The following EPB41L1 variants were observed in gnomAD, a reference collection of about 807,000 sequenced individuals.
EPB41L1 encodes the protein erythrocyte membrane protein band 4.1 like 1.
A neutral mutation model predicts 97.8 loss-of-function variants in EPB41L1; 29 were observed. That is an observed-to-expected ratio of 0.30 (90% CI 0.22 to 0.40). The LOEUF is 0.40. Among genes scored for constraint, EPB41L1 ranks in the 10% least tolerant of loss-of-function variants. The probability of loss-of-function intolerance (pLI) is 1.00; values close to 1 mark genes in which losing one functional copy is unlikely to be tolerated. For missense variants in EPB41L1, 812 were observed against 1,162.3 expected (o/e 0.70, Z 4.38); for synonymous variants, 383 against 459.2 (o/e 0.83, Z 2.12).
At chr20:36,229,117 C>A (rs1331915292) in intron 21 of EPB41L1, among the ~76,000 whole-genome samples, 2 of 152,076 alleles carry the variant, frequency 1.3e-5, no homozygotes, top group African/African-American at 4.8e-5. Context: ...CTCAAGAGAT[C>A]CTTCCACCTC....
At chr20:36,219,409 C>T (rs775857046) in intron 18 of EPB41L1, among the ~76,000 whole-genome samples, 4 of 152,144 alleles carry the variant, frequency 2.6e-5, no homozygotes, top group South Asian at 4.1e-4. Context: ...TGTTTAGCTC[C>T]GCAGAGAGCG....
chr20:36,202,407 C>G (rs972401437), intron 14 of EPB41L1, among the ~76,000 whole-genome samples: 9 of 152,182 alleles, frequency 5.9e-5, no homozygotes, highest in African/African-American at 2.2e-4. Context: ...GACTTGAACA[C>G]CTCCCCTTCC....
At chr20:36,188,691 C>A (rs1049446601) in intron 9 of EPB41L1, among the ~76,000 whole-genome samples, 192 bp downstream of exon 9, 14 of 146,706 alleles carry the variant, frequency 9.5e-5, no homozygotes, top group Admixed American at 5.5e-4. Context: ...AAAGTATAAC[C>A]ACATATGGCC....
Position 36,212,244 on chromosome 20 carries a change from C to G in EPB41L1, c.2080-28C>G. On this transcript the variant is annotated intron_variant, in intron 15 of 21. Transcript: ENST00000338074. The surrounding 1 kb of genome is among the most constrained non-coding windows in gnomAD (Gnocchi z 4.8). ...AAGGGTCATGCTAGGGTTTCAGTTA[C>G]AGAGCATTCTCCCTCCTTTTCCTAC... is the stretch of plus-strand genomic sequence containing the variant. The G allele has an allele frequency of 6.2e-7, 1 of 1,607,898 alleles. No homozygotes were observed. The highest frequency in any genetic ancestry group is 8.5e-7 in the Non-Finnish European group (1 of 1,174,346).
chr20:36,133,631 C>T (rs373745635), intron 2 of EPB41L1, among the ~76,000 whole-genome samples: 5 of 152,262 alleles, frequency 3.3e-5, no homozygotes, highest in East Asian at 1.9e-4. Context: ...CCGATGCAGG[C>T]GTATAGCTTG....
chr20:36,176,249 C>T (rs948229648), intron 3 of EPB41L1, among the ~76,000 whole-genome samples: 2 of 152,222 alleles, frequency 1.3e-5, no homozygotes, highest in Non-Finnish European at 2.9e-5. Flanking sequence ...CATGTAGAAA[C>T]CCTGTGGTAT....
intron 2 of EPB41L1, among the ~76,000 whole-genome samples, chr20:36,112,721 C>T (rs1220147417): frequency 6.6e-6 from 1 of 152,186 alleles, no homozygotes; most frequent in African/African-American, 2.4e-5. Flanking sequence ...TATTCAAAAA[C>T]AGGCTTTGCC....
At chr20:36,199,370 T>G (rs1600899570) in intron 14 of EPB41L1, among the ~76,000 whole-genome samples, 1 of 152,192 alleles carries the variant, frequency 6.6e-6, no homozygotes, top group East Asian at 1.9e-4. Flanking sequence ...CCAAATCACA[T>G]AAAGACCAGG....
chr20:36,203,006 C>T (rs1011327731), intron 14 of EPB41L1, among the ~76,000 whole-genome samples: 6 of 152,140 alleles, frequency 3.9e-5, no homozygotes, highest in African/African-American at 9.7e-5. Flanking sequence ...AGTGCCCCTA[C>T]CTGACGGCAG....
At chr20:36,133,203 C>T (rs566076778) in intron 2 of EPB41L1, among the ~76,000 whole-genome samples, 1 of 152,266 alleles carries the variant, frequency 6.6e-6, no homozygotes, top group South Asian at 2.1e-4. Context: ...CCTGGGACTG[C>T]CATGAGGGCA....
intron 7 of EPB41L1, among the ~76,000 whole-genome samples, chr20:36,185,565 A>C (rs573069873): frequency 1.9e-4 from 29 of 152,328 alleles, no homozygotes; most frequent in Admixed American, 1.6e-3. Context: ...GCTCCTCTAT[A>C]GGTGTGATAA....
At chr20:36,215,561 C>T (rs2063393474) in intron 17 of EPB41L1, among the ~76,000 whole-genome samples, 1 of 152,218 alleles carries the variant, frequency 6.6e-6, no homozygotes, top group African/African-American at 2.4e-5. Flanking sequence ...TAAGTCCAAA[C>T]TAGTTACCAG....
At chr20:36,177,533 C>T (rs1360680523) in intron 3 of EPB41L1, among the ~76,000 whole-genome samples, 1 of 152,188 alleles carries the variant, frequency 6.6e-6, no homozygotes, top group Non-Finnish European at 1.5e-5. Context: ...CCCTTCTCCC[C>T]CTGCCCGCTT....
chr20:36,223,588 G>A (rs1357684831), intron 21 of EPB41L1, among the ~76,000 whole-genome samples: 1 of 152,132 alleles, frequency 6.6e-6, no homozygotes, highest in East Asian at 1.9e-4. Flanking sequence ...GGCACAGAAA[G>A]TATAAACTGT....
intron 16 of EPB41L1, 89 bp from the exon 17 acceptor site, chr20:36,214,268 C>G (rs948427227): frequency 6.8e-6 from 7 of 1,028,288 alleles, no homozygotes; most frequent in Non-Finnish European, 1.1e-5. Context: ...CAGCCTGTCA[C>G]TTTGTAACTG....
chr20:36,143,142 T>C (rs2059705387), intron 2 of EPB41L1, among the ~76,000 whole-genome samples: 1 of 58,196 alleles, frequency 1.7e-5, no homozygotes. Context: ...TGTGTTTGTG[T>C]GTGTGTGTGT....
intron 2 of EPB41L1, among the ~76,000 whole-genome samples, chr20:36,149,617 C>G (rs1052602942): frequency 7.2e-5 from 11 of 152,246 alleles, no homozygotes; most frequent in African/African-American, 2.7e-4. Flanking sequence ...CTGCAGAGTG[C>G]CAACCTCAGT....
intron 20 of EPB41L1, 32 bp downstream of exon 20, chr20:36,221,976 C>T (rs1412686051): frequency 3.7e-6 from 6 of 1,605,670 alleles, no homozygotes; most frequent in Non-Finnish European, 4.3e-6. Flanking sequence ...TTCCCAGTGC[C>T]ACTGCCCAGT....
intron 2 of EPB41L1, among the ~76,000 whole-genome samples, chr20:36,142,752 T>G (rs1001043): frequency 0.38 from 57,443 of 151,950 alleles, 14,296 homozygotes; most frequent in African/African-American, 0.72. Flanking sequence ...TGCTGTGCTG[T>G]GCTGTGTTGG....
Sources: allele counts gnomAD v4.1 joint callset (sites outside exome capture counted in the v4.1 genomes callset), GRCh38; gene constraint gnomAD v4.1.1; non-coding constraint Gnocchi (gnomAD v3.1); transcripts MANE v1.5; gene names NCBI Gene and HGNC (gene_info 2026-07-23, HGNC 2026-07-21).